The following TRMT1 variants were observed in gnomAD, a reference collection of about 807,000 sequenced individuals.
The protein encoded by TRMT1 is tRNA methyltransferase 1, also known as tRNA (guanine(26)-N(2))-dimethyltransferase.
In TRMT1, 63 loss-of-function variants were observed where a neutral mutation model predicts 75.4. That is an observed-to-expected ratio of 0.84 (90% CI 0.68 to 1.03). The LOEUF (loss-of-function observed/expected upper bound fraction) is 1.03, where lower values mean the gene tolerates loss of function less well. TRMT1 is among the 50% of genes least tolerant of loss of function. The pLI, the probability that TRMT1 is intolerant of heterozygous loss-of-function variation, is 0.00. For synonymous variants in TRMT1, 382 were observed against 358.1 expected (o/e 1.07, Z -0.75); for missense variants, 870 against 905.3 (o/e 0.96, Z 0.50).
intron 9 of TRMT1, 30 bp downstream of exon 9, chr19:13,109,885 C>T (rs1464780697): frequency 6.2e-7 from 1 of 1,614,052 alleles, no homozygotes. Context: ...AACCCTGGGA[C>T]TCCCCTTCTT....
At chr19:13,109,718 T>C (rs2019056338) in intron 10 of TRMT1, 34 bp from the exon 11 acceptor site, 3 of 1,613,722 alleles carry the variant, frequency 1.9e-6, no homozygotes, top group Non-Finnish European at 2.5e-6. Context: ...GAGCAGGGAC[T>C]ATGACCTTCA....
intron 12 of TRMT1, among the ~76,000 whole-genome samples, chr19:13,108,367 T>C (rs899968085): frequency 1.3e-5 from 2 of 151,904 alleles, no homozygotes; most frequent in Admixed American, 1.3e-4. Context: ...CTTGGCTCAC[T>C]GCAGCCTCTG....
In TRMT1 at chr19:13,107,766, G is replaced by A. The variant is rs373892365; in HGVS notation, c.1491C>T (p.Asp497=). Residue 497 remains aspartate (D), a synonymous_variant, in exon 13 of 17, where the codon GAC becomes GAT. Transcript: ENST00000357720. ...CTGCCCTCACCCAGCAACGCATGAT[G>A]TCCCAGAGGGCAGAGGCAGGGGCAT... The part of the protein sequence containing the change: ...KTDAPASALW[D]IMRCWEKECP... The A allele has an allele frequency of 1.9e-5, 30 of 1,553,760 alleles. No individual in the cohort carries two copies. The highest frequency in any genetic ancestry group is 3.6e-5 in the South Asian group (3 of 84,488).
At chr19:13,111,436 T>G (rs2019136405) in intron 7 of TRMT1, among the ~76,000 whole-genome samples, 1 of 147,938 alleles carries the variant, frequency 6.8e-6, no homozygotes, top group Non-Finnish European at 1.5e-5. Context: ...CAGGCTGGAG[T>G]GCAATGGTGC....
chr19:13,113,853 G>T (rs548087340), intron 5 of TRMT1, among the ~76,000 whole-genome samples: 3 of 151,186 alleles, frequency 2.0e-5, no homozygotes, highest in Non-Finnish European at 4.4e-5. Context: ...CAAGTGATCC[G>T]CCCACCTCGG....
Position 13,105,365 on chromosome 19 carries a change from T to C in TRMT1, c.1735A>G (p.Arg579Gly). The change falls in exon 16 of 17, where the codon AGA becomes GGA. Residue 579 changes from arginine to glycine, a missense_variant. Transcript: ENST00000357720. ...CGCTTGTTCTGAAGCAGCCTGCGTC[T>C]CTCCTCCATAGCTTCGTCGGCCGCC... is the stretch of plus-strand genomic sequence containing the variant. ...GKAADEAMEE[R>G]RRLLQNKRKE... 1 of 1,613,862 alleles carries C rather than the reference T, an allele frequency of 6.2e-7. No homozygotes were observed. Among genetic ancestry groups the C allele is most frequent in the Non-Finnish European group, 8.5e-7 (1 of 1,180,006 alleles).
Position 13,115,287 on chromosome 19 carries a change from T to G in TRMT1, c.633A>C (p.Ala211=), listed in dbSNP as rs376673169. Residue 211 remains alanine (A), a synonymous_variant, in exon 5 of 17, where the codon GCA becomes GCC. Coordinates refer to ENST00000357720, the MANE Select transcript of TRMT1 (RefSeq NM_001136035.4). ...DVAHLVQPSQ[A]DARMLMYQHQ... The stretch of plus-strand genomic sequence containing the variant: ...TGATGCCCAGAACCTACCGGGCATC[T>G]GCTTGGCTCGGCTGTACCAGGTGGG... 243 of 1,611,542 alleles carry G rather than the reference T, an allele frequency of 1.5e-4. 4 individuals are homozygous for G. The South Asian group carries it at 2.6e-3, about 17-fold the overall frequency.
At position 13,109,782 on chromosome 19, in the gene TRMT1, C is replaced by T. The variant is rs562695975; in HGVS notation, c.1163G>A (p.Gly388Glu). 1.2e-6 allele frequency: 2 copies of T among 1,614,126 alleles called. No homozygotes were observed. The highest frequency in any genetic ancestry group is 1.1e-5 in the South Asian group (1 of 91,092). ...GCCTAGCCCTACCTGGTGTCGTTGC[C>T]CACAGTGTTCACACTCGGGGGTCAC... ...PPVTPECEHC[G>E]QRHQLGGPMW... is the part of the protein sequence containing the mutation. The change falls in exon 10 of 17, where the codon GGG becomes GAG. Residue 388 changes from glycine to glutamate, a missense_variant. By Grantham distance (98) the Gly-to-Glu change is moderately conservative. Transcript: ENST00000357720.
In TRMT1 at chr19:13,109,505, C is replaced by T. The variant is rs370969066; in HGVS notation, c.1312-39G>A. Reference sequence around the variant, plus strand: ...CAGGATGGGCATGAGTGGAGATGGACGGGCACAGGTGGAGCCCCCTTCCCC... The same window carrying T: ...CAGGATGGGCATGAGTGGAGATGGATGGGCACAGGTGGAGCCCCCTTCCCC... On this transcript the variant is annotated intron_variant, in intron 11 of 16. Coordinates refer to ENST00000357720, the MANE Select transcript of TRMT1 (RefSeq NM_001136035.4). 279 of 1,613,856 alleles carry T rather than the reference C, an allele frequency of 1.7e-4. 1 individual carries two copies. Among genetic ancestry groups the T allele is most frequent in the Non-Finnish European group, 2.1e-4 (250 of 1,179,996 alleles).
chr19:13,115,316 C>G lies in TRMT1; in HGVS notation c.604G>C (p.Val202Leu), dbSNP rs1227547282. The G allele has an allele frequency of 1.2e-6, 2 of 1,613,744 alleles. No homozygotes were observed. Among genetic ancestry groups the G allele is most frequent in the Non-Finnish European group, 1.7e-6 (2 of 1,179,918 alleles). The change falls in exon 5 of 17, where the codon GTG (valine) becomes CTG (leucine). Residue 202 changes from valine to leucine, a missense_variant. Val to Leu is a conservative substitution (Grantham distance 32). Coordinates refer to ENST00000357720, the MANE Select transcript of TRMT1 (RefSeq NM_001136035.4). ...LIRRNVQLND[V>L]AHLVQPSQAD... is the part of the protein sequence containing the mutation. ...TGGCTCGGCTGTACCAGGTGGGCCA[C>G]GTCATTGAGCTGGACATTCCGGCGT...
chr19:13,109,808 A>G lies in TRMT1; in HGVS notation c.1137T>C (p.Pro379=). 1 of 1,614,124 alleles carries G rather than the reference A, an allele frequency of 6.2e-7. No homozygotes were observed. The highest frequency in any genetic ancestry group is 8.5e-7 in the Non-Finnish European group (1 of 1,180,006). Residue 379 remains proline (P), a synonymous_variant, in exon 10 of 17, where the codon CCT becomes CCC. Transcript: ENST00000357720. ...RAKFSAACGP[P]VTPECEHCGQ... is the part of the protein sequence containing the mutation. ...CACAGTGTTCACACTCGGGGGTCAC[A>G]GGGGGACCACAGGCTGCAGAGAACT...
intron 7 of TRMT1, among the ~76,000 whole-genome samples, chr19:13,111,420 G>C (rs900035986): frequency 7.5e-6 from 1 of 133,498 alleles, no homozygotes; most frequent in Admixed American, 8.0e-5. Flanking sequence ...TTTTGCTCTT[G>C]TTGCCCAGGC....
intron 13 of TRMT1, 48 bp from the exon 14 acceptor site, chr19:13,107,698 C>A: frequency 6.4e-7 from 1 of 1,570,106 alleles, no homozygotes; most frequent in East Asian, 2.4e-5. Flanking sequence ...CAAGGGACCT[C>A]CAGGTGACCA....
intron 2 of TRMT1, 33 bp from the exon 3 acceptor site, chr19:13,116,085 G>A: frequency 1.2e-6 from 2 of 1,612,640 alleles, no homozygotes; most frequent in East Asian, 2.2e-5. Context: ...CTCATACCCC[G>A]CCCCCGCCAT....
rs1161240793 is a variant in TRMT1, at chr19:13,107,562, G to T, written c.1583+12C>A. On this transcript the variant is annotated intron_variant, in intron 14 of 16. Coordinates refer to ENST00000357720, the MANE Select transcript of TRMT1 (RefSeq NM_001136035.4). ...GGCAGCCCTGGCCGCTCCTGCATGT[G>T]CTTGCCCCTACCTGGGCTCCACACT... 1 of 1,595,446 alleles carries T rather than the reference G, an allele frequency of 6.3e-7. No homozygotes were observed. The highest frequency in any genetic ancestry group is 1.1e-5 in the South Asian group (1 of 88,538).
intron 7 of TRMT1, among the ~76,000 whole-genome samples, chr19:13,110,991 A>G (rs1368768106): frequency 2.6e-5 from 4 of 152,184 alleles, no homozygotes; most frequent in African/African-American, 7.2e-5. Context: ...CTTTCCTGCT[A>G]GTGTGAGACT....
chr19:13,106,048 T>A (rs1361866401), intron 14 of TRMT1, among the ~76,000 whole-genome samples: 1 of 150,394 alleles, frequency 6.6e-6, no homozygotes, highest in East Asian at 2.0e-4. Context: ...GGCAAGAGAG[T>A]GAGCCTCTGT....
rs1362555165 is a variant in TRMT1 at position 13,109,780 on chromosome 19, G to A, written c.1165C>T (p.Gln389Ter). 7 of 1,613,980 alleles carry A rather than the reference G, an allele frequency of 4.3e-6. No individual in the cohort carries two copies. In the African/African-American group the frequency reaches 6.7e-5, roughly 15 times the overall value. ...PVTPECEHCG[Q>*]RHQLGGPMWA... is the part of the protein sequence containing the mutation. Reference sequence around the variant, plus strand: ...TGGCCTAGCCCTACCTGGTGTCGTTGCCCACAGTGTTCACACTCGGGGGTC... The same window carrying A: ...TGGCCTAGCCCTACCTGGTGTCGTTACCCACAGTGTTCACACTCGGGGGTC... Residue 389 changes from glutamine to a stop codon, truncating the protein, a stop_gained, in exon 10 of 17, where the codon CAA (glutamine) becomes TAA (stop). Coordinates refer to ENST00000357720, the MANE Select transcript of TRMT1 (RefSeq NM_001136035.4). LOFTEE classifies it high-confidence loss of function.
intron 7 of TRMT1, 34 bp downstream of exon 7, chr19:13,112,671 G>T: frequency 1.3e-6 from 2 of 1,594,060 alleles, no homozygotes; most frequent in Non-Finnish European, 1.7e-6. Flanking sequence ...CCTGTCCCCC[G>T]GTCTCCCTGG....
Sources: gnomAD v4.1 joint callset for allele counts (sites outside exome capture counted in the v4.1 genomes callset) on GRCh38, gnomAD v4.1.1 for gene constraint, MANE v1.5 for transcripts, NCBI Gene and HGNC (gene_info 2026-07-23, HGNC 2026-07-21) for gene names.